Variants in UNC93B1 observed in about 807,000 individuals in gnomAD.
The protein encoded by UNC93B1 is protein unc-93 homolog B1.
In UNC93B1, 33 loss-of-function variants were observed where a neutral mutation model predicts 56.8. The observed-to-expected ratio is 0.58, with a 90% CI of 0.44 to 0.78. UNC93B1 has a LOEUF of 0.78. Among genes scored for constraint, UNC93B1 ranks in the 30% least tolerant of loss-of-function variants. The pLI, the probability that UNC93B1 is intolerant of heterozygous loss-of-function variation, is 0.00. For missense variants in UNC93B1, 673 were observed against 819.5 expected (o/e 0.82, Z 2.18); for synonymous variants, 334 against 358.6 (o/e 0.93, Z 0.77).
chr11:67,992,942 C>T (rs1287652747), intron 10 of UNC93B1, among the ~76,000 whole-genome samples: 2 of 152,084 alleles, frequency 1.3e-5, no homozygotes, highest in African/African-American at 2.4e-5. Flanking sequence ...GGATTACAGG[C>T]GTGAGCCACT....
At chr11:67,994,016 G>C (rs1590758862) in intron 9 of UNC93B1, among the ~76,000 whole-genome samples, 1 of 152,152 alleles carries the variant, frequency 6.6e-6, no homozygotes, top group Non-Finnish European at 1.5e-5. Flanking sequence ...GGTGCCTCGG[G>C]CTGTGTGGAT....
Position 67,995,584 on chromosome 11 carries a change from C to T in UNC93B1, c.1363+27G>A. 3 of 351,134 alleles carry T rather than the reference C, an allele frequency of 8.5e-6. 1 individual carries two copies. Among genetic ancestry groups the T allele is most frequent in the Non-Finnish European group, 8.8e-6 (2 of 227,246 alleles). The allele number at this position is 351,134 out of a possible 1,614,324, so 21.8% of individuals were successfully genotyped here. On this transcript the variant is annotated intron_variant, in intron 9 of 10. Transcript: ENST00000227471. ...ATAAAGCCCCCTGCCCCGCCCCCCC[C>T]CCCCCAGTGCCCACAGCTATACTCA...
chr11:68,000,917 G>A (rs967106941), intron 3 of UNC93B1, among the ~76,000 whole-genome samples: 1 of 151,980 alleles, frequency 6.6e-6, no homozygotes, highest in African/African-American at 2.4e-5. Context: ...CAGCACGGCC[G>A]GGCGTGGTGG....
chr11:67,997,885 C>T (rs1207663164), intron 6 of UNC93B1, 86 bp from the exon 7 acceptor site: 14 of 1,544,524 alleles, frequency 9.1e-6, no homozygotes, highest in Non-Finnish European at 1.2e-5. Context: ...ACGCAGGCCG[C>T]GGAGGAGCGG....
At position 68,004,087 on chromosome 11, in the gene UNC93B1, T is replaced by A. The variant is rs552240219; in HGVS notation, c.-44A>T. On this transcript the variant is annotated 5_prime_UTR_variant, in exon 1 of 11. Coordinates refer to ENST00000227471, the MANE Select transcript of UNC93B1 (RefSeq NM_030930.4). ...CTCGCGGCGGTCGCCCCGGAGTCCCTGCGACCGCCCGGCCACTTCCTCCCG... is the reference window on the plus strand; with the variant it reads ...CTCGCGGCGGTCGCCCCGGAGTCCCAGCGACCGCCCGGCCACTTCCTCCCG... The A allele has an allele frequency of 2.4e-6, 3 of 1,267,888 alleles. No individual in the cohort carries two copies. The highest frequency in any genetic ancestry group is 3.0e-6 in the Non-Finnish European group (3 of 1,002,414). The allele number at this position is 1,267,888 out of a possible 1,614,324, so 78.5% of individuals were successfully genotyped here.
At chr11:67,999,936 G>A (rs368916535) in intron 3 of UNC93B1, among the ~76,000 whole-genome samples, 44 of 152,382 alleles carry the variant, frequency 2.9e-4, no homozygotes, top group South Asian at 6.2e-4. Context: ...TGAGGATGGA[G>A]AGTGACCCAT....
rs1857078662 is a variant in UNC93B1, at chr11:68,003,382, C to T, written c.239-207G>A. 1.2e-6 allele frequency: 1 copy of T among 821,718 alleles called. No homozygotes were observed. Among genetic ancestry groups the T allele is most frequent in the Non-Finnish European group, 1.8e-6 (1 of 555,842 alleles). The allele number at this position is 821,718 out of a possible 1,614,324, so 50.9% of individuals were successfully genotyped here. A position where few individuals can be genotyped will look rare whatever the true frequency, so the allele number is the denominator to read the frequency against. ...GGCCAGCTAAGCCCAGACCCCCACCCGCCTTGCTCCGCCGGCCTCCAATTC... is the reference window on the plus strand; with the variant it reads ...GGCCAGCTAAGCCCAGACCCCCACCTGCCTTGCTCCGCCGGCCTCCAATTC... On this transcript the variant is annotated intron_variant, in intron 2 of 10. Coordinates refer to ENST00000227471, the MANE Select transcript of UNC93B1 (RefSeq NM_030930.4). The surrounding 1 kb of genome is among the most constrained non-coding windows in gnomAD (Gnocchi z 4.4).
intron 3 of UNC93B1, 53 bp from the exon 4 acceptor site, chr11:67,999,733 C>T (rs1857014562): frequency 6.3e-7 from 1 of 1,583,374 alleles, no homozygotes; most frequent in Non-Finnish European, 8.6e-7. Context: ...ACCACTGTGG[C>T]CTGAAGCCAA....
At chr11:67,998,899 A>G (rs1856996649) in intron 5 of UNC93B1, among the ~76,000 whole-genome samples, 1 of 151,400 alleles carries the variant, frequency 6.6e-6, no homozygotes, top group Non-Finnish European at 1.5e-5. Flanking sequence ...CCTGCCCCCA[A>G]CCCCCACCAA....
chr11:68,002,977 C>A, intron 3 of UNC93B1, 45 bp downstream of exon 3: 1 of 1,562,648 alleles, frequency 6.4e-7, no homozygotes, highest in East Asian at 2.4e-5. Context: ...TGTACCCCTC[C>A]GAAATGGGAG....
chr11:67,991,158 C>G lies in UNC93B1; in HGVS notation c.*388G>C, dbSNP rs1210261131. On this transcript the variant is annotated 3_prime_UTR_variant, in exon 11 of 11. Transcript: ENST00000227471. ...TTCTGTAAAAAATCGTGGCTCTCGG[C>G]GGACCCTGGGGATAGGAGGTGCAAA... 2 of 202,738 alleles carry G rather than the reference C, an allele frequency of 9.9e-6. No homozygotes were observed. The highest frequency in any genetic ancestry group is 2.0e-5 in the Non-Finnish European group (2 of 101,552). 12.6% of individuals were successfully genotyped at this position (202,738 alleles called of 1,614,324 possible).
intron 3 of UNC93B1, among the ~76,000 whole-genome samples, chr11:68,002,761 G>A (rs889492071): frequency 2.0e-5 from 3 of 152,320 alleles, no homozygotes; most frequent in Non-Finnish European, 4.4e-5. Flanking sequence ...TGCCACGTGA[G>A]GCCCAGGCAA....
In UNC93B1 at chr11:67,995,643, A is replaced by T; in HGVS notation, c.1331T>A (p.Val444Glu). The change falls in exon 9 of 11, where the codon GTG becomes GAG. Residue 444 changes from valine to glutamate, a missense_variant. By Grantham distance (121) the Val-to-Glu change is moderately radical (BLOSUM62 -2). Transcript: ENST00000227471. ...TCCAGTCTTGTTCAGGGCACTGCCC[A>T]CACCCCAAAGGGCAGCTGCCACATA... ...ILYVAAALWG[V>E]GSALNKTGLS... is the part of the protein sequence containing the mutation. 7.8e-7 allele frequency: 1 copy of T among 1,284,618 alleles called. No homozygotes were observed. The highest frequency in any genetic ancestry group is 1.0e-6 in the Non-Finnish European group (1 of 990,458). 79.6% of individuals were successfully genotyped at this position (1,284,618 alleles called of 1,614,324 possible).
At chr11:67,998,625 A>G (rs1364194670) in intron 5 of UNC93B1, among the ~76,000 whole-genome samples, 173 bp from the exon 6 acceptor site, 4 of 152,170 alleles carry the variant, frequency 2.6e-5, no homozygotes, top group East Asian at 1.9e-4. Flanking sequence ...CCTGGCCAGC[A>G]TTGTGGAAAA....
In UNC93B1 at chr11:67,998,493, A is replaced by G. The variant is rs555387083; in HGVS notation, c.688-41T>C. The G allele has an allele frequency of 9.5e-5, 152 of 1,601,882 alleles. No individual in the cohort carries two copies. The East Asian group carries it at 1.7e-3, about 18-fold the overall frequency. On this transcript the variant is annotated intron_variant, in intron 5 of 10. Coordinates refer to ENST00000227471, the MANE Select transcript of UNC93B1 (RefSeq NM_030930.4). The stretch of plus-strand genomic sequence containing the variant: ...CAGTTGGGACCAGACTCAGGCACAG[A>G]GCCAGGCAAGGGACACAGGCATGGT...
chr11:68,001,107 A>G (rs1247458569), intron 3 of UNC93B1, among the ~76,000 whole-genome samples: 1 of 151,560 alleles, frequency 6.6e-6, no homozygotes, highest in African/African-American at 2.4e-5. Flanking sequence ...GAGGCAGGAA[A>G]ATCGCTTGAA....
intron 10 of UNC93B1, among the ~76,000 whole-genome samples, chr11:67,992,510 T>A (rs1856861050): frequency 1.3e-5 from 2 of 152,190 alleles, no homozygotes; most frequent in Non-Finnish European, 2.9e-5. Context: ...AGCTATTTTT[T>A]AAATTTTTTG....
chr11:68,003,490 G>C lies in UNC93B1; in HGVS notation c.238+167C>G. On this transcript the variant is annotated intron_variant, in intron 2 of 10. Coordinates refer to ENST00000227471, the MANE Select transcript of UNC93B1 (RefSeq NM_030930.4). This position sits in a 1 kb window ranked among gnomAD's most constrained non-coding sequence, Gnocchi z 4.4. ...TCTGGCTGGGACCCGGGGACGCTGC[G>C]CTACTTGACCCCCCAACCCCACCCC... is the stretch of plus-strand genomic sequence containing the variant. The C allele has an allele frequency of 2.8e-6, 3 of 1,087,794 alleles. No individual in the cohort carries two copies. The South Asian group carries it at 5.4e-5, about 20-fold the overall frequency. 67.4% of individuals were successfully genotyped at this position (1,087,794 alleles called of 1,614,324 possible).
In UNC93B1 at chr11:67,991,645, C is replaced by G; in HGVS notation, c.1695G>C (p.Pro565=). ...EHGDGAEEEA[P]PAGPRPGPEP... ...CGGGGCCAGGCCTGGGCCCTGCGGG[C>G]GGCGCCTCCTCCTCCGCGCCGTCCC... Residue 565 remains proline, a synonymous_variant, in exon 11 of 11, where the codon CCG becomes CCC. Coordinates refer to ENST00000227471, the MANE Select transcript of UNC93B1 (RefSeq NM_030930.4). 1 of 1,522,634 alleles carries G rather than the reference C, an allele frequency of 6.6e-7. No homozygotes were observed. Among genetic ancestry groups the G allele is most frequent in the Non-Finnish European group, 8.8e-7 (1 of 1,142,018 alleles). 94.3% of individuals were successfully genotyped at this position (1,522,634 alleles called of 1,614,324 possible).
Sources: gnomAD v4.1 joint callset for allele counts (sites outside exome capture counted in the v4.1 genomes callset) on GRCh38, gnomAD v4.1.1 for gene constraint, Gnocchi (gnomAD v3.1) non-coding constraint, MANE v1.5 for transcripts, NCBI Gene and HGNC (gene_info 2026-07-23, HGNC 2026-07-21) for gene names.